Variants in EXOC6B observed in about 807,000 individuals in gnomAD.
The protein encoded by EXOC6B is SEC15 homolog B.
In EXOC6B, 54 loss-of-function variants were observed where a neutral mutation model predicts 113.5. The ratio of observed to expected loss-of-function variants is 0.48; its 90% CI spans 0.38 to 0.60. The LOEUF (loss-of-function observed/expected upper bound fraction) is 0.60. EXOC6B is among the 20% of genes least tolerant of loss of function. EXOC6B has a pLI of 0.00. For missense variants in EXOC6B, 797 were observed against 977.5 expected (o/e 0.82, Z 2.46); for synonymous variants, 357 against 339.0 (o/e 1.05, Z -0.58).
chr2:72,404,305 G>C (rs1004092505), intron 18 of EXOC6B, among the ~76,000 whole-genome samples: 1 of 152,194 alleles, frequency 6.6e-6, no homozygotes, highest in Non-Finnish European at 1.5e-5. Flanking sequence ...AAAACAAAAG[G>C]CAGCAGAAAT....
chr2:72,284,285 T>A lies in EXOC6B; in HGVS notation c.2196+50662A>T, dbSNP rs550256119. On this transcript the variant is annotated intron_variant, in intron 20 of 21. Coordinates refer to ENST00000272427, the MANE Select transcript of EXOC6B (RefSeq NM_015189.3). ...AAAAGAATCGTATACCATAACTAAG[T>A]GGGATTTATCCCAGGTATGCAAGGT... Among the ~76,000 whole-genome samples, 5 of 152,232 alleles carry A rather than the reference T, an allele frequency of 3.3e-5. No homozygotes were observed. In the South Asian group the frequency reaches 1.0e-3, roughly 32 times the overall value.
intron 18 of EXOC6B, among the ~76,000 whole-genome samples, chr2:72,424,934 C>A (rs1003991464): frequency 1.3e-5 from 2 of 151,984 alleles, no homozygotes; most frequent in Non-Finnish European, 2.9e-5. Context: ...ATTTCATCAC[C>A]CAGGTATTAA....
intron 8 of EXOC6B, among the ~76,000 whole-genome samples, chr2:72,554,988 G>A (rs1442505711): frequency 2.0e-5 from 3 of 151,974 alleles, no homozygotes; most frequent in African/African-American, 7.3e-5. Flanking sequence ...TCCCACCTAT[G>A]AGTGAGAACA....
intron 18 of EXOC6B, among the ~76,000 whole-genome samples, chr2:72,384,394 A>C (rs1691871339): frequency 6.6e-6 from 1 of 152,110 alleles, no homozygotes; most frequent in Non-Finnish European, 1.5e-5. Flanking sequence ...ATATATGACA[A>C]TCCTATAGCT....
intron 16 of EXOC6B, among the ~76,000 whole-genome samples, chr2:72,483,173 G>C (rs570903833): frequency 6.6e-6 from 1 of 152,274 alleles, no homozygotes; most frequent in South Asian, 2.1e-4. Flanking sequence ...TTCTCCTTCA[G>C]AGGAGGACTA....
intron 1 of EXOC6B, among the ~76,000 whole-genome samples, chr2:72,769,530 G>A (rs949389037): frequency 3.9e-5 from 6 of 152,104 alleles, no homozygotes; most frequent in African/African-American, 1.4e-4. Context: ...AAAAAGGAAG[G>A]GCCAGGCCCA....
intron 6 of EXOC6B, among the ~76,000 whole-genome samples, chr2:72,643,140 T>A (rs912492697): frequency 1.4e-3 from 213 of 151,716 alleles, no homozygotes; most frequent in African/African-American, 5.0e-3. Context: ...TGTGGAGAAA[T>A]AGGAACACTT....
chr2:72,590,739 T>A (rs1280404679), intron 6 of EXOC6B, among the ~76,000 whole-genome samples: 1 of 152,098 alleles, frequency 6.6e-6, no homozygotes, highest in Non-Finnish European at 1.5e-5. Context: ...TAGACAGGTA[T>A]GATCAGTATC....
intron 20 of EXOC6B, among the ~76,000 whole-genome samples, chr2:72,288,221 G>T (rs1685563660): frequency 6.6e-6 from 1 of 152,058 alleles, no homozygotes. Flanking sequence ...AGTTATCTTT[G>T]CTCTTGGTAT....
At chr2:72,630,742 C>A (rs1232299679) in intron 6 of EXOC6B, among the ~76,000 whole-genome samples, 3 of 151,892 alleles carry the variant, frequency 2.0e-5, no homozygotes, top group Non-Finnish European at 4.4e-5. Flanking sequence ...ACTGCTAGGT[C>A]AAAATAAAAC....
rs188459880 is a variant in EXOC6B, at chr2:72,355,172, G to A, written c.2123-20152C>T. Among the ~76,000 whole-genome samples, 509 of 152,086 alleles carry A rather than the reference G, an allele frequency of 3.3e-3. 2 individuals are homozygous for A. The highest frequency in any genetic ancestry group is 5.3e-3 in the Non-Finnish European group (360 of 67,998). On this transcript the variant is annotated intron_variant, in intron 19 of 21. Coordinates refer to ENST00000272427, the MANE Select transcript of EXOC6B (RefSeq NM_015189.3). ...TGCCAGCTCCTACAGAGAAAACAAGGAACACAGAGAATGAATGAGCTATTG... is the reference window on the plus strand; with the variant it reads ...TGCCAGCTCCTACAGAGAAAACAAGAAACACAGAGAATGAATGAGCTATTG...
intron 2 of EXOC6B, among the ~76,000 whole-genome samples, chr2:72,733,744 T>C (rs894964457): frequency 6.6e-4 from 101 of 152,332 alleles, no homozygotes; most frequent in African/African-American, 2.4e-3. Flanking sequence ...ATATTCACTC[T>C]TGACATTTCA....
At chr2:72,565,867 T>C (rs13406348) in intron 7 of EXOC6B, among the ~76,000 whole-genome samples, 2,201 of 152,196 alleles carry the variant, frequency 0.014, 48 homozygotes, top group African/African-American at 0.051. Context: ...TAGAAAATAG[T>C]ACAACCCCTA....
chr2:72,365,094 A>G (rs189047297), intron 19 of EXOC6B, among the ~76,000 whole-genome samples: 1 of 152,120 alleles, frequency 6.6e-6, no homozygotes, highest in Admixed American at 6.6e-5. Flanking sequence ...TTATAGAAAC[A>G]GTTCTGTTGC....
intron 17 of EXOC6B, among the ~76,000 whole-genome samples, chr2:72,475,597 C>T (rs1343123131): frequency 1.3e-5 from 2 of 152,138 alleles, no homozygotes; most frequent in Non-Finnish European, 2.9e-5. Flanking sequence ...CTGAGCCAAA[C>T]TTGTCCTCAA....
Position 72,184,079 on chromosome 2 carries a change from C to G in EXOC6B, c.2305G>C (p.Glu769Gln). ...VNPVTALTLLEKMKDTSRKNN... is the reference protein window; with the variant it reads ...VNPVTALTLLQKMKDTSRKNN... Reference sequence around the variant, plus strand: ...ACCATTGGACAAGGTACTCACTTCTCAAGCAGGGTCAGAGCAGTCACTGGG... The same window carrying G: ...ACCATTGGACAAGGTACTCACTTCTGAAGCAGGGTCAGAGCAGTCACTGGG... Residue 769 changes from glutamate to glutamine, a missense_variant, in exon 21 of 22, where the codon GAG (glutamate) becomes CAG (glutamine). Transcript: ENST00000272427. The G allele has an allele frequency of 6.5e-7, 1 of 1,545,196 alleles. No individual in the cohort carries two copies. The highest frequency in any genetic ancestry group is 2.4e-5 in the East Asian group (1 of 41,724).
Position 72,179,451 on chromosome 2 carries a change from T to C in EXOC6B, c.2320A>G (p.Thr774Ala). Reference sequence around the variant, plus strand: ...GCAAACATGTTGTTCTTGCGGCTAGTATCCTTCATCCTAAACAGAGAAGGA... The same window carrying C: ...GCAAACATGTTGTTCTTGCGGCTAGCATCCTTCATCCTAAACAGAGAAGGA... ...ALTLLEKMKD[T>A]SRKNNMFAQF... is the part of the protein sequence containing the mutation. Residue 774 changes from threonine to alanine, a missense_variant, in exon 22 of 22, where the codon ACT (threonine) becomes GCT (alanine). Transcript: ENST00000272427. 1 of 1,613,880 alleles carries C rather than the reference T, an allele frequency of 6.2e-7. No homozygotes were observed. Among genetic ancestry groups the C allele is most frequent in the Non-Finnish European group, 8.5e-7 (1 of 1,179,882 alleles).
chr2:72,283,516 A>T (rs527871726), intron 20 of EXOC6B, among the ~76,000 whole-genome samples: 1 of 152,274 alleles, frequency 6.6e-6, no homozygotes, highest in African/African-American at 2.4e-5. Flanking sequence ...GAAGGCTAGG[A>T]TTGGACAAGT....
At chr2:72,381,051 C>A (rs1241875476) in intron 18 of EXOC6B, among the ~76,000 whole-genome samples, 1 of 152,138 alleles carries the variant, frequency 6.6e-6, no homozygotes, top group Non-Finnish European at 1.5e-5. Context: ...CCCGGTGTGA[C>A]CTCCTTAATC....
Sources: gnomAD v4.1 joint callset for allele counts (sites outside exome capture counted in the v4.1 genomes callset) on GRCh38, gnomAD v4.1.1 for gene constraint, MANE v1.5 for transcripts, NCBI Gene and HGNC (gene_info 2026-07-23, HGNC 2026-07-21) for gene names.